The following RASA3 variants were observed in gnomAD, a reference collection of about 807,000 sequenced individuals.
The protein encoded by RASA3 is RAS p21 protein activator 3, also known as ras GTPase-activating protein 3.
RASA3 carries 73 observed loss-of-function variants against 110.0 expected under a neutral mutation model. The ratio of observed to expected loss-of-function variants is 0.66; its 90% confidence interval spans 0.55 to 0.81. RASA3 has a LOEUF of 0.81. Ranked by LOEUF, RASA3 falls within the 30% of genes least tolerant of loss-of-function variation. RASA3 has a pLI of 0.00. For synonymous variants in RASA3, 500 were observed against 451.4 expected, an observed-to-expected ratio of 1.11 and a Z score of -1.37; for missense variants, 976 against 1,113.2, an observed-to-expected ratio of 0.88 and a Z score of 1.75.
In RASA3 at chr13:113,994,466, TAAAA is replaced by T. The variant is rs200050035; in HGVS notation, c.2142-1882_2142-1879del. Among the ~76,000 whole-genome samples, 912 of 152,004 alleles carry T rather than the reference TAAAA, an allele frequency of 6.0e-3. 2 individuals carry two copies. The highest frequency in any genetic ancestry group is 0.018 in the African/African-American group (731 of 41,428). On this transcript the variant is annotated intron_variant, in intron 21 of 23. Transcript: ENST00000334062. ...AATAAATAATGAAATGCATTTATCATAAAAAAAAGAAGAAAGAAGATGAAGTGAC... is the reference window on the plus strand; with the variant it reads ...AATAAATAATGAAATGCATTTATCATAAAAGAAGAAAGAAGATGAAGTGAC...
intron 13 of RASA3, 131 bp downstream of exon 13, chr13:114,016,066 G>T: frequency 2.8e-6 from 2 of 723,910 alleles, no homozygotes; most frequent in Admixed American, 2.1e-5. Flanking sequence ...CGGGTGAGGC[G>T]GGTATCCCCA....
At position 114,060,916 on chromosome 13, in the gene RASA3, G is replaced by A. The variant is rs114996318; in HGVS notation, c.174-8761C>T. On this transcript the variant is annotated intron_variant, in intron 2 of 23. Transcript: ENST00000334062. The stretch of plus-strand genomic sequence containing the variant: ...GCCGGGAGACGGGGCCTCCAAAGCC[G>A]GCAGACGGAGCCCCCACAGCCGGCA... 7.8e-3 allele frequency among the ~76,000 whole-genome samples: 1,188 copies of A among 151,888 alleles called. 9 individuals are homozygous for A. Among genetic ancestry groups the A allele is most frequent in the African/African-American group, 0.028 (1,138 of 41,356 alleles).
intron 1 of RASA3, among the ~76,000 whole-genome samples, chr13:114,082,086 T>G (rs1355389105): frequency 6.6e-6 from 1 of 152,242 alleles, no homozygotes; most frequent in Non-Finnish European, 1.5e-5. Context: ...TTAGAAAGCC[T>G]GCAGGTGGTT....
At position 114,015,286 on chromosome 13, in the gene RASA3, T is replaced by C. The variant is rs1410858202; in HGVS notation, c.1328A>G (p.Glu443Gly). Residue 443 changes from glutamate (E) to glycine (G), a missense_variant, in exon 14 of 24, where the codon GAG (glutamate) becomes GGG (glycine). Physicochemically the swap from Glu to Gly is moderately conservative, Grantham distance 98 (BLOSUM62 -2). Coordinates refer to ENST00000334062, the MANE Select transcript of RASA3 (RefSeq NM_007368.4). ...YVDRVFHAIT[E>G]SGVSCPTVMC... ...GACGGTCGGGCAGCTCACCCCAGAC[T>C]CAGTGATGGCGTGGAAGACGCGGTC... 6 of 1,613,144 alleles carry C rather than the reference T, an allele frequency of 3.7e-6. No homozygotes were observed. The East Asian group carries it at 1.3e-4, about 36-fold the overall frequency.
chr13:114,059,369 C>T (rs2079299608), intron 2 of RASA3, among the ~76,000 whole-genome samples: 1 of 152,230 alleles, frequency 6.6e-6, no homozygotes, highest in Non-Finnish European at 1.5e-5. Flanking sequence ...TATGGCACGT[C>T]TAAATGTAAG....
intron 1 of RASA3, among the ~76,000 whole-genome samples, chr13:114,127,846 C>T (rs1400710344): frequency 6.6e-6 from 1 of 152,156 alleles, no homozygotes; most frequent in African/African-American, 2.4e-5. Context: ...CAGATAAATC[C>T]GTGGGTCTCC....
At chr13:114,012,781 C>T (rs1316943420) in intron 15 of RASA3, among the ~76,000 whole-genome samples, 1 of 128,568 alleles carries the variant, frequency 7.8e-6, no homozygotes, top group African/African-American at 3.1e-5. Context: ...ATGCCTTCCA[C>T]ACTCCCCACG....
At chr13:114,039,802 C>T (rs1396168637) in intron 4 of RASA3, among the ~76,000 whole-genome samples, 8 of 152,218 alleles carry the variant, frequency 5.3e-5, no homozygotes, top group African/African-American at 1.9e-4. Flanking sequence ...GCACTGGAGC[C>T]CCCGGTCTTG....
chr13:114,000,753 C>G (rs2053375396), intron 19 of RASA3, 73 bp downstream of exon 19: 5 of 1,167,038 alleles, frequency 4.3e-6, no homozygotes, highest in Non-Finnish European at 5.2e-6. Context: ...AGCTCTCCCC[C>G]TGAAAAAGCA....
intron 3 of RASA3, among the ~76,000 whole-genome samples, chr13:114,044,918 C>T (rs1331053632): frequency 2.0e-5 from 3 of 152,074 alleles, no homozygotes; most frequent in Non-Finnish European, 2.9e-5. Flanking sequence ...GTAACTGGCA[C>T]ATGATTACAA....
intron 1 of RASA3, among the ~76,000 whole-genome samples, chr13:114,105,777 T>G (rs1233164960): frequency 6.6e-6 from 1 of 152,236 alleles, no homozygotes; most frequent in Non-Finnish European, 1.5e-5. Context: ...TTACGGTGTC[T>G]TCTCAATCTT....
chr13:114,104,441 C>A (rs2080106662), intron 1 of RASA3, among the ~76,000 whole-genome samples: 1 of 152,184 alleles, frequency 6.6e-6, no homozygotes, highest in Non-Finnish European at 1.5e-5. Context: ...GCTCAGTCCA[C>A]AGCCCATACC....
At chr13:113,997,570 G>A (rs758853706) in intron 20 of RASA3, among the ~76,000 whole-genome samples, 1 of 151,910 alleles carries the variant, frequency 6.6e-6, no homozygotes, top group Non-Finnish European at 1.5e-5. Flanking sequence ...GGTCTCCCGG[G>A]GCAGGAGTGA....
intron 3 of RASA3, among the ~76,000 whole-genome samples, chr13:114,043,481 G>T (rs2078972223): frequency 6.6e-6 from 1 of 152,104 alleles, no homozygotes; most frequent in Non-Finnish European, 1.5e-5. Flanking sequence ...CACAGCCAGG[G>T]CCGGCCAGTT....
chr13:114,082,324 T>C (rs1176243574), intron 1 of RASA3, among the ~76,000 whole-genome samples: 2 of 152,232 alleles, frequency 1.3e-5, no homozygotes, highest in Admixed American at 6.5e-5. Context: ...CAAATTGGGA[T>C]TGGGAACCCA....
chr13:114,103,928 G>A (rs1347207847), intron 1 of RASA3, among the ~76,000 whole-genome samples: 1 of 79,836 alleles, frequency 1.3e-5, no homozygotes, highest in Non-Finnish European at 2.5e-5. Flanking sequence ...CCCCCGATGC[G>A]TCCACGCTGC....
intron 21 of RASA3, 147 bp from the exon 22 acceptor site, chr13:113,992,735 G>A (rs1026395662): frequency 2.9e-6 from 2 of 680,446 alleles, no homozygotes; most frequent in Admixed American, 4.3e-5. Context: ...CTGTCCGTCT[G>A]TGCACAGCCG....
intron 15 of RASA3, among the ~76,000 whole-genome samples, chr13:114,012,455 G>A (rs1208407246): frequency 2.9e-5 from 3 of 102,122 alleles, no homozygotes; most frequent in African/African-American, 4.0e-5. Context: ...CACTCCCCAT[G>A]CACCGTCCAC....
intron 4 of RASA3, among the ~76,000 whole-genome samples, chr13:114,040,739 G>A (rs2054385080): frequency 6.8e-6 from 1 of 146,508 alleles, no homozygotes; most frequent in Non-Finnish European, 1.5e-5. Context: ...GCACAAGCGG[G>A]CGAACATGCA....
Sources: allele counts gnomAD v4.1 joint callset (sites outside exome capture counted in the v4.1 genomes callset), GRCh38; gene constraint gnomAD v4.1.1; transcripts MANE v1.5; gene names NCBI Gene and HGNC (gene_info 2026-07-23, HGNC 2026-07-21).